The following DPYD variants were observed in gnomAD, a reference collection of about 807,000 sequenced individuals.
DPYD encodes dihydropyrimidine dehydrogenase, also known as dihydropyrimidine dehydrogenase [NADP(+)].
In DPYD, 109 loss-of-function variants were observed where a neutral mutation model predicts 116.2. That is an observed-to-expected ratio of 0.94 (90% CI 0.80 to 1.10). The LOEUF (loss-of-function observed/expected upper bound fraction) is 1.10. Ranked by LOEUF, DPYD falls within the 50% of genes least tolerant of loss-of-function variation. The pLI is 0.00. For missense variants in DPYD, 1,302 were observed against 1,254.5 expected, an observed-to-expected ratio of 1.04 and a Z score of -0.57; for synonymous variants, 440 against 432.0, an observed-to-expected ratio of 1.02 and a Z score of -0.23.
intron 4 of DPYD, among the ~76,000 whole-genome samples, chr1:97,739,907 A>T (rs959230219): frequency 6.6e-6 from 1 of 151,540 alleles, no homozygotes; most frequent in Admixed American, 6.6e-5. Flanking sequence ...TTAGTTGTGT[A>T]TTTTTTTTGC....
intron 18 of DPYD, among the ~76,000 whole-genome samples, chr1:97,259,050 C>T (rs988578014): frequency 2.6e-5 from 4 of 152,028 alleles, no homozygotes; most frequent in Non-Finnish European, 4.4e-5. Context: ...TAGAGGATAA[C>T]AAATTTGAGT....
chr1:97,138,490 T>G (rs1653970440), intron 20 of DPYD, among the ~76,000 whole-genome samples: 1 of 152,090 alleles, frequency 6.6e-6, no homozygotes, highest in African/African-American at 2.4e-5. Context: ...CGGTTAGAAG[T>G]ATAAATAGAA....
intron 18 of DPYD, among the ~76,000 whole-genome samples, chr1:97,291,925 C>T (rs1666206267): frequency 6.6e-6 from 1 of 152,018 alleles, no homozygotes; most frequent in African/African-American, 2.4e-5. Flanking sequence ...TAAATTTAAC[C>T]TACCAAAGAT....
At chr1:97,845,687 C>T (rs1670261558) in intron 2 of DPYD, among the ~76,000 whole-genome samples, 1 of 152,220 alleles carries the variant, frequency 6.6e-6, no homozygotes, top group Non-Finnish European at 1.5e-5. Flanking sequence ...AATCCTCCTA[C>T]TGCTCGCCAG....
At chr1:97,279,375 G>T (rs2100926623) in intron 18 of DPYD, among the ~76,000 whole-genome samples, 1 of 152,192 alleles carries the variant, frequency 6.6e-6, no homozygotes, top group East Asian at 1.9e-4. Flanking sequence ...GTTCAAGCAG[G>T]GAGGCACAGT....
chr1:97,802,270 T>G (rs1030283279), intron 3 of DPYD, among the ~76,000 whole-genome samples: 1 of 151,928 alleles, frequency 6.6e-6, no homozygotes, highest in Non-Finnish European at 1.5e-5. Flanking sequence ...TATGAACATA[T>G]GAACATAAGC....
intron 2 of DPYD, among the ~76,000 whole-genome samples, chr1:97,862,061 G>A (rs1206597441): frequency 6.6e-6 from 1 of 151,668 alleles, no homozygotes; most frequent in African/African-American, 2.4e-5. Context: ...CACTGACTTA[G>A]AAAATTAGAA....
At chr1:97,203,922 A>G (rs1659424278) in intron 19 of DPYD, among the ~76,000 whole-genome samples, 1 of 151,910 alleles carries the variant, frequency 6.6e-6, no homozygotes, top group Admixed American at 6.6e-5. Flanking sequence ...TTGGTGTGAT[A>G]GTTAATCTAT....
chr1:97,633,338 T>C (rs532782528), intron 8 of DPYD, among the ~76,000 whole-genome samples: 2 of 152,152 alleles, frequency 1.3e-5, no homozygotes, highest in African/African-American at 2.4e-5. Context: ...AAAAGCGTCA[T>C]GGGGATCTAG....
At chr1:97,888,906 C>G (rs1418289644) in intron 1 of DPYD, among the ~76,000 whole-genome samples, 2 of 152,052 alleles carry the variant, frequency 1.3e-5, no homozygotes, top group Non-Finnish European at 2.9e-5. Context: ...GCCTGTAATC[C>G]CAACACTTTG....
chr1:97,219,510 C>T (rs1660645713), intron 19 of DPYD, among the ~76,000 whole-genome samples: 1 of 152,084 alleles, frequency 6.6e-6, no homozygotes, highest in South Asian at 2.1e-4. Flanking sequence ...CACGTTTCCT[C>T]TAGAAGTGAT....
chr1:97,079,278 AACT>A (rs1648993163), intron 22 of DPYD, 132 bp from the exon 23 acceptor site: 2 of 867,488 alleles, frequency 2.3e-6, no homozygotes, highest in African/African-American at 3.3e-5. Flanking sequence ...TCTATGGTGC[AACT>A]ATAGCAACAG....
intron 8 of DPYD, among the ~76,000 whole-genome samples, chr1:97,666,359 A>C (rs932120785): frequency 6.6e-6 from 1 of 151,898 alleles, no homozygotes; most frequent in Admixed American, 6.6e-5. Flanking sequence ...AGGTCTTGCT[A>C]TGTTGCCCAG....
intron 3 of DPYD, among the ~76,000 whole-genome samples, chr1:97,812,123 T>C (rs1476881247): frequency 3.9e-5 from 6 of 152,286 alleles, no homozygotes; most frequent in Admixed American, 2.6e-4. Context: ...AATAAATGCA[T>C]GCTGATGACT....
chr1:97,229,203 C>CAAAAAAAAA (rs34445661), intron 19 of DPYD, among the ~76,000 whole-genome samples: 2 of 58,580 alleles, frequency 3.4e-5, no homozygotes, highest in Non-Finnish European at 5.8e-5. Flanking sequence ...GACTCCTTCT[C>CAAAAAAAAA]AAAAAAAAAA....
intron 20 of DPYD, among the ~76,000 whole-genome samples, chr1:97,101,771 T>C (rs965277049): frequency 1.3e-5 from 2 of 152,052 alleles, no homozygotes; most frequent in Non-Finnish European, 2.9e-5. Context: ...TTGAGCGTCA[T>C]GCTATATTTC....
chr1:97,587,847 A>T (rs1023891534), intron 10 of DPYD, among the ~76,000 whole-genome samples: 4 of 151,846 alleles, frequency 2.6e-5, no homozygotes, highest in Admixed American at 6.6e-5. Flanking sequence ...AAGAAAAAAA[A>T]AAAAGCATGT....
At position 97,721,505 on chromosome 1, in the gene DPYD, C is replaced by T. The variant is rs373218392; in HGVS notation, c.483+5G>A. On this transcript the variant is annotated splice_donor_5th_base_variant and intron_variant, in intron 5 of 22. Coordinates refer to ENST00000370192, the MANE Select transcript of DPYD (RefSeq NM_000110.4). ...GGGGGGATGTCACGTGTATATCATA[C>T]ATACCTCAGTAGCAAATTGCTGCAA... 5.5e-5 allele frequency: 88 copies of T among 1,610,796 alleles called. No homozygotes were observed. The highest frequency in any genetic ancestry group is 7.0e-5 in the Non-Finnish European group (83 of 1,177,844).
chr1:97,255,357 C>A (rs539185849), intron 18 of DPYD, among the ~76,000 whole-genome samples: 2 of 152,224 alleles, frequency 1.3e-5, no homozygotes, highest in South Asian at 2.1e-4. Context: ...TGTTCCCACC[C>A]AAATTTCATC....
Sources: gnomAD v4.1 joint callset for allele counts (sites outside exome capture counted in the v4.1 genomes callset) on GRCh38, gnomAD v4.1.1 for gene constraint, MANE v1.5 for transcripts, NCBI Gene and HGNC (gene_info 2026-07-23, HGNC 2026-07-21) for gene names.